Variants in TPGS2 observed in about 807,000 individuals in gnomAD.
The protein encoded by TPGS2 is tubulin polyglutamylase complex subunit 2.
TPGS2 carries 26 observed loss-of-function variants against 31.1 expected under a neutral mutation model. The observed-to-expected ratio is 0.84, with a 90% CI of 0.61 to 1.16. The LOEUF (loss-of-function observed/expected upper bound fraction) is 1.16, where lower values mean the gene tolerates loss of function less well. Ranked by LOEUF, TPGS2 falls within the 50% of genes most tolerant of loss-of-function variation. TPGS2 has a pLI of 0.00. For missense variants in TPGS2, 351 were observed against 363.8 expected, an observed-to-expected ratio of 0.96 and a Z score of 0.29; for synonymous variants, 130 against 136.6, an observed-to-expected ratio of 0.95 and a Z score of 0.34.
At chr18:36,811,623 C>T (rs1220578110) in intron 2 of TPGS2, among the ~76,000 whole-genome samples, 1 of 152,164 alleles carries the variant, frequency 6.6e-6, no homozygotes, top group Non-Finnish European at 1.5e-5. Flanking sequence ...TTTGCATCTA[C>T]AGCTGCTCTG....
chr18:36,806,626 G>C (rs556152468), intron 3 of TPGS2, among the ~76,000 whole-genome samples: 1 of 152,126 alleles, frequency 6.6e-6, no homozygotes, highest in African/African-American at 2.4e-5. Context: ...GCCAAGGTGG[G>C]CGGATCATGA....
intron 2 of TPGS2, among the ~76,000 whole-genome samples, chr18:36,811,844 G>T (rs2045444542): frequency 6.6e-6 from 1 of 152,220 alleles, no homozygotes; most frequent in Non-Finnish European, 1.5e-5. Flanking sequence ...AATGAGGGAA[G>T]GGGCAGAGAA....
downstream of TPGS2, among the ~76,000 whole-genome samples, chr18:36,780,604 A>G (rs553078927): frequency 4.0e-4 from 61 of 152,342 alleles, no homozygotes; most frequent in South Asian, 3.7e-3. Flanking sequence ...ATACTTACAC[A>G]AACCTAGATG....
At chr18:36,791,471 G>A (rs1265822830), downstream of TPGS2, among the ~76,000 whole-genome samples, 1 of 152,132 alleles carries the variant, frequency 6.6e-6, no homozygotes, top group African/African-American at 2.4e-5. Context: ...TGGACCTTGG[G>A]AGGAAACTCT....
downstream of TPGS2, among the ~76,000 whole-genome samples, chr18:36,793,612 G>C (rs1040944410): frequency 5.3e-5 from 8 of 152,164 alleles, no homozygotes; most frequent in African/African-American, 1.7e-4. Flanking sequence ...AGTTAGTTTT[G>C]TACAGTGTTT....
intron 4 of TPGS2, 23 bp downstream of exon 4, chr18:36,805,351 T>C (rs1307947156): frequency 1.2e-6 from 2 of 1,612,810 alleles, no homozygotes; most frequent in Non-Finnish European, 1.7e-6. Context: ...GAAACAAAGA[T>C]ACCAACCTTG....
chr18:36,784,198 T>A (rs543639558), intron 6 of TPGS2, among the ~76,000 whole-genome samples: 1 of 152,324 alleles, frequency 6.6e-6, no homozygotes, highest in Non-Finnish European at 1.5e-5. Flanking sequence ...AAGCTTGTGG[T>A]GATTCCTCAC....
chr18:36,816,759 C>T lies in TPGS2; in HGVS notation c.165+2135G>A, dbSNP rs9956806. Among the ~76,000 whole-genome samples the T allele has an allele frequency of 9.8e-3, 1,491 of 152,292 alleles. 30 individuals are homozygous for T. Among genetic ancestry groups the T allele is most frequent in the African/African-American group, 0.034 (1,417 of 41,566 alleles). ...AAGTAGCTGGGACTACAGGCGTGCA[C>T]CATCACGCCCGGCTAATTTTTGTAT... On this transcript the variant is annotated intron_variant, in intron 2 of 6. Coordinates refer to ENST00000334295, the MANE Select transcript of TPGS2 (RefSeq NM_015476.4).
At position 36,798,590 on chromosome 18, in the gene TPGS2, C is replaced by A; in HGVS notation, c.516G>T (p.Glu172Asp). The change falls in exon 6 of 7, where the codon GAG (glutamate) becomes GAT (aspartate). Residue 172 changes from glutamate to aspartate, a missense_variant. By Grantham distance (45) the Glu-to-Asp change is conservative (BLOSUM62 2). Transcript: ENST00000334295. ...ATAACGCTCTGTCCAGGAACCAGAT[C>A]TCAGTGTCTTCTGCTAATGCTGAAG... is the stretch of plus-strand genomic sequence containing the variant. ...SGKPALAEDT[E>D]IWFLDRALYW... The A allele has an allele frequency of 3.1e-6, 5 of 1,614,058 alleles. No homozygotes were observed. The highest frequency in any genetic ancestry group is 4.2e-6 in the Non-Finnish European group (5 of 1,179,964).
intron 6 of TPGS2, chr18:36,788,674 C>A (rs769759143): frequency 1.3e-5 from 2 of 152,010 alleles, no homozygotes; most frequent in East Asian, 3.9e-4. Flanking sequence ...CAGAGGAGTA[C>A]CAGTTACCTC....
At chr18:36,797,325 T>C (rs770977114) in intron 6 of TPGS2, among the ~76,000 whole-genome samples, 21 of 152,038 alleles carry the variant, frequency 1.4e-4, no homozygotes, top group Non-Finnish European at 2.8e-4. Flanking sequence ...CCTTCTGATT[T>C]AGTGAGTCCT....
intron 4 of TPGS2, among the ~76,000 whole-genome samples, chr18:36,802,419 T>C (rs557562804): frequency 6.6e-6 from 1 of 152,334 alleles, no homozygotes; most frequent in East Asian, 1.9e-4. Context: ...GTACAGAGTA[T>C]TACCTGCAGA....
At chr18:36,827,296 A>C (rs1356775048) in intron 1 of TPGS2, among the ~76,000 whole-genome samples, 1 of 152,274 alleles carries the variant, frequency 6.6e-6, no homozygotes, top group Non-Finnish European at 1.5e-5. Context: ...TGAAAGTGCT[A>C]TAAGAATAAA....
At chr18:36,821,557 A>G (rs1265151550) in intron 1 of TPGS2, among the ~76,000 whole-genome samples, 1 of 152,250 alleles carries the variant, frequency 6.6e-6, no homozygotes, top group Admixed American at 6.5e-5. Context: ...TTGGGAAATT[A>G]ATGCTAGAGA....
At chr18:36,799,779 G>A (rs1200110365) in intron 5 of TPGS2, among the ~76,000 whole-genome samples, 4 of 152,142 alleles carry the variant, frequency 2.6e-5, no homozygotes, top group Non-Finnish European at 5.9e-5. Context: ...AGGGCAGAGA[G>A]GCTTTTAATT....
chr18:36,809,582 G>C lies in TPGS2; in HGVS notation c.166-1648C>G, dbSNP rs146735431. Among the ~76,000 whole-genome samples the C allele has an allele frequency of 5.4e-3, 822 of 152,248 alleles. 11 individuals are homozygous for C. Among genetic ancestry groups the C allele is most frequent in the Non-Finnish European group, 6.1e-3 (412 of 68,014 alleles). On this transcript the variant is annotated intron_variant, in intron 2 of 6. Coordinates refer to ENST00000334295, the MANE Select transcript of TPGS2 (RefSeq NM_015476.4). ...AATGGGCTTGCTCCTAGTGCCTCCT[G>C]TGTGGCCACATTATCTGTGCTTTCA...
At position 36,794,407 on chromosome 18, in the gene TPGS2, C is replaced by A; in HGVS notation, c.*2398G>T. On this transcript the variant is annotated 3_prime_UTR_variant, in exon 7 of 7. Coordinates refer to ENST00000334295, the MANE Select transcript of TPGS2 (RefSeq NM_015476.4). ...CCTTTTGAGAACTCCCACTTGATTGCCACAGATTTGAGTGACACCGCTGAC... is the reference window on the plus strand; with the variant it reads ...CCTTTTGAGAACTCCCACTTGATTGACACAGATTTGAGTGACACCGCTGAC... 1.0e-6 allele frequency: 1 copy of A among 985,462 alleles called. No homozygotes were observed. The highest frequency in any genetic ancestry group is 1.2e-6 in the Non-Finnish European group (1 of 829,952). 61.0% of individuals were successfully genotyped at this position (985,462 alleles called of 1,614,324 possible).
In TPGS2 at chr18:36,828,984, G is replaced by A. The variant is rs527444347; in HGVS notation, c.-217C>T. On this transcript the variant is annotated 5_prime_UTR_variant, in exon 1 of 7. Transcript: ENST00000334295. ...CCGGTGCCCCACACCGCACCTCCGG[G>A]ACGTAGCTTCCCCTTCGCCCCCACC... is the stretch of plus-strand genomic sequence containing the variant. 2.8e-6 allele frequency: 3 copies of A among 1,079,082 alleles called. No individual in the cohort carries two copies. Among genetic ancestry groups the A allele is most frequent in the African/African-American group, 3.4e-5 (2 of 59,226 alleles). 66.8% of individuals were successfully genotyped at this position (1,079,082 alleles called of 1,614,324 possible). A position where few individuals can be genotyped will look rare whatever the true frequency, so the allele number is the denominator to read the frequency against.
At chr18:36,804,369 G>C (rs1037922806) in intron 4 of TPGS2, among the ~76,000 whole-genome samples, 1 of 152,146 alleles carries the variant, frequency 6.6e-6, no homozygotes, top group African/African-American at 2.4e-5. Flanking sequence ...CCAGCCTCAA[G>C]AGCAGGGAAG....
Sources: allele counts gnomAD v4.1 joint callset (sites outside exome capture counted in the v4.1 genomes callset), GRCh38; gene constraint gnomAD v4.1.1; transcripts MANE v1.5; gene names NCBI Gene and HGNC (gene_info 2026-07-23, HGNC 2026-07-21).